PECR: variants seen among roughly 807,000 people sequenced by gnomAD.
The protein encoded by PECR is 2,4-dienoyl-CoA reductase-related protein.
Under a neutral mutation model 35.3 loss-of-function variants are expected in PECR, and 30 were observed. The ratio of observed to expected loss-of-function variants is 0.85; its 90% CI spans 0.64 to 1.15. The LOEUF is 1.15. PECR is among the 50% of genes most tolerant of loss of function. The pLI, the probability that PECR is intolerant of heterozygous loss-of-function variation, is 0.00. For missense variants in PECR, 392 were observed against 370.8 expected, an observed-to-expected ratio of 1.06 and a Z score of -0.47; for synonymous variants, 148 against 138.9, an observed-to-expected ratio of 1.07 and a Z score of -0.46.
intron 1 of PECR, among the ~76,000 whole-genome samples, chr2:216,079,717 T>C (rs1290339393): frequency 3.4e-5 from 5 of 147,378 alleles, no homozygotes; most frequent in Non-Finnish European, 6.0e-5. Context: ...CACGGTGGCT[T>C]ACGCCTGTAA....
intron 7 of PECR, 110 bp from the exon 8 acceptor site, chr2:216,039,470 A>G (rs1344216042): frequency 2.7e-6 from 2 of 749,406 alleles, no homozygotes; most frequent in Non-Finnish European, 4.9e-6. Context: ...CTCAGCACCA[A>G]AAAATAAATC....
At chr2:216,080,899 C>T (rs148855098) in intron 1 of PECR, among the ~76,000 whole-genome samples, 107 of 152,134 alleles carry the variant, frequency 7.0e-4, no homozygotes, top group African/African-American at 2.4e-3. Context: ...GCCTGTAATC[C>T]CAAAACTTTA....
At chr2:216,078,486 G>A (rs1191834305) in intron 1 of PECR, among the ~76,000 whole-genome samples, 1 of 151,858 alleles carries the variant, frequency 6.6e-6, no homozygotes, top group Admixed American at 6.6e-5. Flanking sequence ...CTGCTCAGGA[G>A]GCTGAGGCAG....
intron 4 of PECR, chr2:216,057,709 C>T (rs1695257113): frequency 6.6e-6 from 1 of 152,130 alleles, no homozygotes; most frequent in Non-Finnish European, 1.5e-5. Context: ...GAGGAAGTAC[C>T]TCTTGCCTGT....
At chr2:216,057,808 T>G (rs1695258850) in intron 4 of PECR, 1 of 152,156 alleles carries the variant, frequency 6.6e-6, no homozygotes, top group Non-Finnish European at 1.5e-5. Flanking sequence ...TCTACAGTTT[T>G]TGGTTAATGA....
intron 3 of PECR, among the ~76,000 whole-genome samples, chr2:216,060,914 T>A (rs894531037): frequency 6.6e-6 from 1 of 151,350 alleles, no homozygotes; most frequent in Non-Finnish European, 1.5e-5. Context: ...TATAAAAGAA[T>A]GCCAATTAAT....
intron 1 of PECR, among the ~76,000 whole-genome samples, chr2:216,068,819 T>G (rs1695525844): frequency 6.7e-6 from 1 of 149,830 alleles, no homozygotes; most frequent in Admixed American, 6.6e-5. Flanking sequence ...TTTTTTTTTT[T>G]TTTTTTTTTT....
At chr2:216,043,861 A>AAAT in intron 7 of PECR, 43 bp downstream of exon 7, 1 of 1,017,108 alleles carries the variant, frequency 9.8e-7, no homozygotes. Flanking sequence ...CCTGAACATG[A>AAAT]CACAGCATAA....
intron 1 of PECR, among the ~76,000 whole-genome samples, chr2:216,078,698 T>C (rs1474182120): frequency 6.6e-6 from 1 of 152,190 alleles, no homozygotes; most frequent in Non-Finnish European, 1.5e-5. Flanking sequence ...GATGTCTTTT[T>C]CTCAAAAGAC....
intron 4 of PECR, among the ~76,000 whole-genome samples, chr2:216,057,079 G>A (rs927124898): frequency 1.3e-5 from 2 of 152,086 alleles, no homozygotes; most frequent in Non-Finnish European, 2.9e-5. Context: ...GCATGAAAGA[G>A]GACACATTTC....
intron 1 of PECR, 83 bp from the exon 2 acceptor site, chr2:216,066,601 AG>A (rs765733726): frequency 3.1e-6 from 4 of 1,272,700 alleles, no homozygotes; most frequent in Non-Finnish European, 4.6e-6. Flanking sequence ...GTAAACCGCC[AG>A]GGAACAAATA....
intron 4 of PECR, among the ~76,000 whole-genome samples, chr2:216,053,711 G>T (rs1293188546): frequency 6.6e-6 from 1 of 152,038 alleles, no homozygotes; most frequent in African/African-American, 2.4e-5. Context: ...TTCAGATCAG[G>T]ATGCTCAACC....
At chr2:216,078,899 G>C (rs961841347) in intron 1 of PECR, among the ~76,000 whole-genome samples, 1 of 152,198 alleles carries the variant, frequency 6.6e-6, no homozygotes, top group East Asian at 1.9e-4. Context: ...GCAACAGGAT[G>C]AAAGTTCAAA....
chr2:216,044,378 A>ATTTTC (rs1694953232), intron 6 of PECR, among the ~76,000 whole-genome samples: 1 of 152,194 alleles, frequency 6.6e-6, no homozygotes, highest in South Asian at 2.1e-4. Context: ...ATTGTCCTCC[A>ATTTTC]CAACCCCATT....
chr2:216,045,796 G>C (rs1187642475), intron 6 of PECR, among the ~76,000 whole-genome samples: 1 of 152,234 alleles, frequency 6.6e-6, no homozygotes, highest in Non-Finnish European at 1.5e-5. Context: ...GCTCCAATGA[G>C]CTCCTTTCTG....
At chr2:216,065,711 C>A (rs576011733) in intron 2 of PECR, among the ~76,000 whole-genome samples, 103 of 152,282 alleles carry the variant, frequency 6.8e-4, no homozygotes, top group Non-Finnish European at 1.2e-3. Context: ...ATTTTGACGA[C>A]AAGATATATC....
chr2:216,075,693 T>C (rs73056562), intron 1 of PECR, among the ~76,000 whole-genome samples: 14,139 of 152,214 alleles, frequency 0.093, 1,241 homozygotes, highest in African/African-American at 0.23. Context: ...CATCAGAGGC[T>C]TGTAGCCCCA....
At chr2:216,055,792 C>G (rs1695215508) in intron 4 of PECR, among the ~76,000 whole-genome samples, 1 of 152,114 alleles carries the variant, frequency 6.6e-6, no homozygotes, top group East Asian at 1.9e-4. Flanking sequence ...TAGTTAAGGC[C>G]TTTTGTGACT....
intron 4 of PECR, among the ~76,000 whole-genome samples, chr2:216,055,514 A>C (rs999197193): frequency 6.6e-6 from 1 of 151,266 alleles, no homozygotes; most frequent in African/African-American, 2.5e-5. Flanking sequence ...CTAGTACATA[A>C]ATATTCCCAA....
Sources: gnomAD v4.1 joint callset for allele counts (sites outside exome capture counted in the v4.1 genomes callset) on GRCh38, gnomAD v4.1.1 for gene constraint, MANE v1.5 for transcripts, NCBI Gene and HGNC (gene_info 2026-07-23, HGNC 2026-07-21) for gene names.